NTNG1: variants seen among roughly 807,000 people sequenced by gnomAD.
NTNG1 encodes the protein netrin-G1.
Under a neutral mutation model 54.0 loss-of-function variants are expected in NTNG1, and 16 were observed. The observed-to-expected ratio is 0.30, with a 90% confidence interval of 0.20 to 0.45. The LOEUF is 0.45. Ranked by LOEUF, NTNG1 falls within the 20% of genes least tolerant of loss-of-function variation. NTNG1 has a pLI of 1.00. For missense variants in NTNG1, 530 were observed against 678.7 expected (o/e 0.78, Z 2.43); for synonymous variants, 255 against 263.1 (o/e 0.97, Z 0.30).
In NTNG1 at chr1:107,478,537, C is replaced by CT. The variant is rs939119343; in HGVS notation, c.1391-2065dup. 1.3e-4 allele frequency among the ~76,000 whole-genome samples: 20 copies of CT among 151,494 alleles called. No individual in the cohort carries two copies. The East Asian group carries it at 1.5e-3, about 12-fold the overall frequency. ...TCACATCCAAGAAGAAGAAAAATAG[C>CT]TTTTTTTTTCTAAAGGGGAGTGATA... is the stretch of plus-strand genomic sequence containing the variant. On this transcript the variant is annotated intron_variant, in intron 7 of 7. Transcript: ENST00000370068.
At chr1:107,386,084 CTT>C (rs1671953122) in intron 3 of NTNG1, among the ~76,000 whole-genome samples, 1 of 133,626 alleles carries the variant, frequency 7.5e-6, no homozygotes, top group Non-Finnish European at 1.6e-5. Flanking sequence ...CATATATATA[CTT>C]ATATGTATGT....
chr1:107,317,135 T>C (rs909266604), intron 2 of NTNG1, among the ~76,000 whole-genome samples: 4 of 152,174 alleles, frequency 2.6e-5, no homozygotes, highest in African/African-American at 9.7e-5. Context: ...AAATTAGAGC[T>C]TTCAGGATCA....
intron 5 of NTNG1, among the ~76,000 whole-genome samples, chr1:107,429,424 C>T (rs777781485): frequency 1.5e-4 from 23 of 152,164 alleles, no homozygotes; most frequent in Admixed American, 2.6e-4. Context: ...TTTTACTCTA[C>T]TCATCAAAAT....
intron 2 of NTNG1, among the ~76,000 whole-genome samples, chr1:107,156,648 A>G (rs1421710676): frequency 6.6e-6 from 1 of 152,182 alleles, no homozygotes; most frequent in Non-Finnish European, 1.5e-5. Context: ...AATGTTGTGT[A>G]TGTTTTTAGG....
intron 2 of NTNG1, among the ~76,000 whole-genome samples, chr1:107,247,723 A>G (rs989960901): frequency 6.6e-6 from 1 of 152,222 alleles, no homozygotes; most frequent in African/African-American, 2.4e-5. Context: ...TACTCCTAAC[A>G]AATGAGTTAT....
chr1:107,474,434 TG>T (rs1678181917), intron 7 of NTNG1, among the ~76,000 whole-genome samples: 1 of 152,218 alleles, frequency 6.6e-6, no homozygotes, highest in African/African-American at 2.4e-5. Context: ...GGATTGTAAA[TG>T]GGTGTTTATC....
chr1:107,171,399 GCTTTTTCT>G (rs1656228045), intron 2 of NTNG1, among the ~76,000 whole-genome samples: 1 of 152,100 alleles, frequency 6.6e-6, no homozygotes, highest in African/African-American at 2.4e-5. Context: ...TCAGCAAACA[GCTTTTTCT>G]CTTCCTCCTG....
intron 2 of NTNG1, among the ~76,000 whole-genome samples, chr1:107,156,046 A>G (rs1318575918): frequency 6.6e-6 from 1 of 152,170 alleles, no homozygotes; most frequent in Non-Finnish European, 1.5e-5. Context: ...GTGTGTAAGT[A>G]CACTCTATGA....
At chr1:107,453,249 AGGAAGT>A (rs778851144) in intron 7 of NTNG1, among the ~76,000 whole-genome samples, 3 of 152,222 alleles carry the variant, frequency 2.0e-5, no homozygotes, top group Non-Finnish European at 4.4e-5. Context: ...GTGGAGGCAA[AGGAAGT>A]CTTATACTTC....
At chr1:107,255,567 A>G (rs1332082807) in intron 2 of NTNG1, among the ~76,000 whole-genome samples, 2 of 152,186 alleles carry the variant, frequency 1.3e-5, no homozygotes, top group Admixed American at 6.5e-5. Context: ...AATTTTTTAA[A>G]CATCTTTCTT....
chr1:107,367,643 A>C (rs191518653), intron 3 of NTNG1, among the ~76,000 whole-genome samples: 1 of 152,258 alleles, frequency 6.6e-6, no homozygotes, highest in African/African-American at 2.4e-5. Context: ...TACATGGCAA[A>C]TACGTGAGCC....
intron 2 of NTNG1, among the ~76,000 whole-genome samples, chr1:107,256,555 A>T (rs1387714746): frequency 6.6e-6 from 1 of 152,220 alleles, no homozygotes; most frequent in Non-Finnish European, 1.5e-5. Flanking sequence ...GAGCCCAGAG[A>T]GGTAACAGAA....
At chr1:107,367,726 T>C (rs1226693225) in intron 3 of NTNG1, among the ~76,000 whole-genome samples, 2 of 152,008 alleles carry the variant, frequency 1.3e-5, no homozygotes, top group Non-Finnish European at 2.9e-5. Flanking sequence ...ATTTTTTCTG[T>C]CTGTTTGTTT....
intron 1 of NTNG1, 52 bp from the exon 2 acceptor site, chr1:107,148,017 C>T (rs540654431): frequency 2.0e-5 from 3 of 152,856 alleles, no homozygotes; most frequent in Admixed American, 2.0e-4. Flanking sequence ...TTGTACATTT[C>T]GTAATATATT....
At chr1:107,423,581 T>C (rs1674705222) in intron 5 of NTNG1, among the ~76,000 whole-genome samples, 2 of 152,136 alleles carry the variant, frequency 1.3e-5, no homozygotes, top group Non-Finnish European at 2.9e-5. Flanking sequence ...ATGGTTGCCA[T>C]GCCACATTGT....
chr1:107,402,744 G>A (rs1450304950), intron 4 of NTNG1, among the ~76,000 whole-genome samples: 12 of 152,116 alleles, frequency 7.9e-5, no homozygotes, highest in Non-Finnish European at 1.3e-4. Context: ...CAATACAAAT[G>A]AATCTGCAGA....
intron 5 of NTNG1, among the ~76,000 whole-genome samples, chr1:107,426,453 A>G (rs958841119): frequency 6.6e-6 from 1 of 151,858 alleles, no homozygotes; most frequent in Non-Finnish European, 1.5e-5. Context: ...AGTTTTGTCC[A>G]CTTTATGGAA....
intron 2 of NTNG1, among the ~76,000 whole-genome samples, chr1:107,279,261 GTT>G (rs1331264809): frequency 6.6e-6 from 1 of 152,008 alleles, no homozygotes; most frequent in South Asian, 2.1e-4. Context: ...TTTTTGTACA[GTT>G]TTTTCTTTTC....
chr1:107,361,389 ATATT>A (rs1670285846), intron 3 of NTNG1, among the ~76,000 whole-genome samples: 1 of 74,622 alleles, frequency 1.3e-5, no homozygotes, highest in African/African-American at 4.1e-5. Flanking sequence ...ATATATATAT[ATATT>A]TTTTTTTTTT....
Sources: gnomAD v4.1 joint callset for allele counts (sites outside exome capture counted in the v4.1 genomes callset) on GRCh38, gnomAD v4.1.1 for gene constraint, MANE v1.5 for transcripts, NCBI Gene and HGNC (gene_info 2026-07-23, HGNC 2026-07-21) for gene names.